Variants in PLAT observed in about 807,000 individuals in gnomAD.
PLAT encodes tissue-type plasminogen activator.
A neutral mutation model predicts 74.9 loss-of-function variants in PLAT; 48 were observed. The observed-to-expected ratio is 0.64, with a 90% CI of 0.51 to 0.82. The LOEUF is 0.82. Among genes scored for constraint, PLAT ranks in the 40% least tolerant of loss-of-function variants. The pLI is 0.00. For synonymous variants in PLAT, 307 were observed against 294.4 expected, an observed-to-expected ratio of 1.04 and a Z score of -0.44; for missense variants, 673 against 736.2, an observed-to-expected ratio of 0.91 and a Z score of 0.99.
At position 42,194,241 on chromosome 8, in the gene PLAT, A is replaced by AGAGAGAGAGAGAGAGAGT. The variant is rs1419569830; in HGVS notation, c.-26-1031_-26-1030insACTCTCTCTCTCTCTCTC. On this transcript the variant is annotated intron_variant, in intron 1 of 13. Transcript: ENST00000220809. The stretch of plus-strand genomic sequence containing the variant: ...GAGAGAGAGAGAGAGAGAGAGAGAG[A>AGAGAGAGAGAGAGAGAGT]GTGTGTGTGTGTGTGTGTGTGTGTG... 3.0e-3 allele frequency among the ~76,000 whole-genome samples: 158 copies of AGAGAGAGAGAGAGAGAGT among 52,568 alleles called. 1 individual carries two copies. The highest frequency in any genetic ancestry group is 9.0e-3 in the African/African-American group (134 of 14,874). The allele number at this position is 52,568 out of a possible 152,430, so 34.5% of individuals were successfully genotyped here. A position where few individuals can be genotyped will look rare whatever the true frequency, so the allele number is the denominator to read the frequency against.
At chr8:42,188,452 C>T (rs1805567567) in intron 4 of PLAT, 1 of 168,310 alleles carries the variant, frequency 5.9e-6, no homozygotes, top group African/African-American at 2.4e-5. Context: ...TGGTCTTGCT[C>T]CCTTTTCTGC....
At chr8:42,196,031 C>G (rs549686383) in intron 1 of PLAT, among the ~76,000 whole-genome samples, 2 of 152,310 alleles carry the variant, frequency 1.3e-5, no homozygotes, top group African/African-American at 4.8e-5. Context: ...TTCTTTATTT[C>G]AAGAACTCAA....
At chr8:42,181,474 G>C (rs1450950893) in intron 9 of PLAT, among the ~76,000 whole-genome samples, 1 of 152,128 alleles carries the variant, frequency 6.6e-6, no homozygotes, top group Admixed American at 6.5e-5. Context: ...TTTACCTCCC[G>C]GTGCCCAGCG....
At chr8:42,177,721 T>G (rs1041283208) in intron 13 of PLAT, among the ~76,000 whole-genome samples, 1 of 152,238 alleles carries the variant, frequency 6.6e-6, no homozygotes, top group Non-Finnish European at 1.5e-5. Context: ...AGATAGATAA[T>G]GGTTTCACTT....
chr8:42,194,093 T>C (rs557435105), intron 1 of PLAT, among the ~76,000 whole-genome samples: 1 of 128,260 alleles, frequency 7.8e-6, no homozygotes, highest in East Asian at 2.7e-4. Context: ...CGCTCTGTCA[T>C]CCAGACTGGA....
At chr8:42,182,625 T>G in intron 8 of PLAT, 94 bp downstream of exon 8, 1 of 913,168 alleles carries the variant, frequency 1.1e-6, no homozygotes, top group African/African-American at 1.7e-5. Flanking sequence ...GCACTGGGTC[T>G]GTCATGCAAC....
rs1207575607 is a variant in PLAT, at chr8:42,175,586, C to T, written c.*407G>A. The T allele has an allele frequency of 2.4e-5, 4 of 163,408 alleles. No homozygotes were observed. Among genetic ancestry groups the T allele is most frequent in the Admixed American group, 6.0e-5 (1 of 16,780 alleles). 10.1% of individuals were successfully genotyped at this position (163,408 alleles called of 1,614,324 possible). Reference sequence around the variant, plus strand: ...TATACTGTCTATTTCTAATGCAATCCGTCTTTCCTGAAAGATCTTGTTATC... The same window carrying T: ...TATACTGTCTATTTCTAATGCAATCTGTCTTTCCTGAAAGATCTTGTTATC... On this transcript the variant is annotated 3_prime_UTR_variant, in exon 14 of 14. Transcript: ENST00000220809.
chr8:42,179,973 G>A lies in PLAT; in HGVS notation c.1316C>T (p.Pro439Leu). The change falls in exon 12 of 14, where the codon CCG becomes CTG. Residue 439 changes from proline to leucine, a missense_variant. Coordinates refer to ENST00000220809, the MANE Select transcript of PLAT (RefSeq NM_000930.5). ...VCLPPADLQLPDWTECELSGY... is the reference protein window; with the variant it reads ...VCLPPADLQLLDWTECELSGY... Reference sequence around the variant, plus strand: ...GGAGAGCTCACACTCCGTCCAGTCCGGCAGCTGCAGGTCCGCCGGGGGAAG... The same window carrying A: ...GGAGAGCTCACACTCCGTCCAGTCCAGCAGCTGCAGGTCCGCCGGGGGAAG... 4 of 1,608,016 alleles carry A rather than the reference G, an allele frequency of 2.5e-6. No homozygotes were observed. The highest frequency in any genetic ancestry group is 2.2e-5 in the East Asian group (1 of 44,666).
chr8:42,184,243 A>G (rs899841060), intron 7 of PLAT, among the ~76,000 whole-genome samples: 3 of 150,440 alleles, frequency 2.0e-5, no homozygotes, highest in Non-Finnish European at 4.4e-5. Flanking sequence ...ACCTGGCCCT[A>G]TATATATTTA....
chr8:42,199,771 G>T (rs1806056749), intron 1 of PLAT, among the ~76,000 whole-genome samples: 1 of 152,210 alleles, frequency 6.6e-6, no homozygotes, highest in South Asian at 2.1e-4. Flanking sequence ...GGACCACCTG[G>T]TGAAAACTAA....
At chr8:42,185,246 G>T in intron 6 of PLAT, 74 bp from the exon 7 acceptor site, 2 of 890,578 alleles carry the variant, frequency 2.2e-6, no homozygotes, top group South Asian at 1.7e-5. Context: ...AAGGACTTTG[G>T]TATCCTTTTC....
At position 42,180,009 on chromosome 8, in the gene PLAT, C is replaced by T. The variant is rs776556278; in HGVS notation, c.1280G>A (p.Arg427His). Residue 427 changes from arginine to histidine, a missense_variant, in exon 12 of 14, where the codon CGC (arginine) becomes CAC (histidine). Coordinates refer to ENST00000220809, the MANE Select transcript of PLAT (RefSeq NM_000930.5). ...SRCAQESSVV[R>H]TVCLPPADLQ... The stretch of plus-strand genomic sequence containing the variant: ...GTCCGCCGGGGGAAGGCACACAGTG[C>T]GGACCACGCTGCTCTCCTGGGCACA... 7 of 1,609,102 alleles carry T rather than the reference C, an allele frequency of 4.4e-6. No individual in the cohort carries two copies. The highest frequency in any genetic ancestry group is 2.2e-5 in the East Asian group (1 of 44,690).
chr8:42,205,746 G>A (rs189043159), intron 1 of PLAT, among the ~76,000 whole-genome samples: 1 of 152,272 alleles, frequency 6.6e-6, no homozygotes, highest in East Asian at 1.9e-4. Flanking sequence ...AATGTCTCAT[G>A]TCTCCCTGAA....
intron 13 of PLAT, among the ~76,000 whole-genome samples, chr8:42,177,122 A>G (rs1805005384): frequency 6.6e-6 from 1 of 152,066 alleles, no homozygotes; most frequent in African/African-American, 2.4e-5. Context: ...ACACCTGGCT[A>G]ATTTTTGTGT....
At position 42,182,819 on chromosome 8, in the gene PLAT, A is replaced by C; in HGVS notation, c.703T>G (p.Ser235Ala). The change falls in exon 8 of 14, where the codon TCC becomes GCC. Residue 235 changes from serine to alanine, a missense_variant. Transcript: ENST00000220809. ...GTHSLTESGA[S>A]CLPWNSMILI... ...ATCATGGAATTCCACGGGAGGCAGGAGGCACCCGACTCGGTGAGGCTGTGC... is the reference window on the plus strand; with the variant it reads ...ATCATGGAATTCCACGGGAGGCAGGCGGCACCCGACTCGGTGAGGCTGTGC... 2 of 1,612,880 alleles carry C rather than the reference A, an allele frequency of 1.2e-6. No homozygotes were observed. Among genetic ancestry groups the C allele is most frequent in the Non-Finnish European group, 1.7e-6 (2 of 1,178,854 alleles).
At chr8:42,200,211 C>A (rs1385825946) in intron 1 of PLAT, among the ~76,000 whole-genome samples, 1 of 152,114 alleles carries the variant, frequency 6.6e-6, no homozygotes, top group African/African-American at 2.4e-5. Flanking sequence ...AATATTATTA[C>A]CTCGTTTTTA....
chr8:42,182,196 CA>C (rs1805275987), intron 8 of PLAT, 174 bp from the exon 9 acceptor site: 1 of 506,710 alleles, frequency 2.0e-6, no homozygotes, highest in Admixed American at 3.2e-5. Flanking sequence ...CACACCAGGC[CA>C]GGAGTTTAAG....
intron 2 of PLAT, among the ~76,000 whole-genome samples, chr8:42,192,746 G>A (rs1289791942): frequency 1.3e-5 from 2 of 152,110 alleles, no homozygotes; most frequent in African/African-American, 4.8e-5. Context: ...GGTATCCTTG[G>A]GGGTCCTGGA....
Position 42,176,152 on chromosome 8 carries a change from C to G in PLAT, c.1531-1G>C, listed in dbSNP as rs1305512896. The G allele has an allele frequency of 6.2e-7, 1 of 1,612,306 alleles. No homozygotes were observed. Among genetic ancestry groups the G allele is most frequent in the Non-Finnish European group, 8.5e-7 (1 of 1,179,038 alleles). ...ACACCAGGGGGCCTCCCGAATCGCC[C>G]TGCAAAGGAGATAGCAGGTTTGGCG... On this transcript the variant is annotated splice_acceptor_variant, in intron 13 of 13. Transcript: ENST00000220809. LOFTEE classifies it high-confidence loss of function.
Sources: gnomAD v4.1 joint callset for allele counts (sites outside exome capture counted in the v4.1 genomes callset) on GRCh38, gnomAD v4.1.1 for gene constraint, MANE v1.5 for transcripts, NCBI Gene and HGNC (gene_info 2026-07-23, HGNC 2026-07-21) for gene names.